MYH10: variants seen among roughly 807,000 people sequenced by gnomAD.
The protein encoded by MYH10 is myosin heavy chain 10.
In MYH10, 55 loss-of-function variants were observed where a neutral mutation model predicts 257.8. The observed-to-expected ratio is 0.21, with a 90% CI of 0.17 to 0.27. The LOEUF is 0.27. Among genes scored for constraint, MYH10 ranks in the 10% least tolerant of loss-of-function variants. The probability of loss-of-function intolerance (pLI) is 1.00; values close to 1 mark genes in which losing one functional copy is unlikely to be tolerated. For missense variants in MYH10, 1,631 were observed against 2,500.6 expected, an observed-to-expected ratio of 0.65 and a Z score of 7.42; for synonymous variants, 854 against 921.7, an observed-to-expected ratio of 0.93 and a Z score of 1.33.
chr17:8,486,902 A>G (rs73244977), intron 36 of MYH10, among the ~76,000 whole-genome samples: 2,525 of 152,286 alleles, frequency 0.017, 69 homozygotes, highest in African/African-American at 0.054. Flanking sequence ...TAAATTTTCA[A>G]GATGTATCAA....
chr17:8,576,680 T>C lies in MYH10; in HGVS notation c.634-8A>G. ...TGGTTTAGGCGATTCCTGCTGTTCATTACAAACAGACAAATGCAAATGTTA... is the reference window on the plus strand; with the variant it reads ...TGGTTTAGGCGATTCCTGCTGTTCACTACAAACAGACAAATGCAAATGTTA... On this transcript the variant is annotated splice_region_variant and splice_polypyrimidine_tract_variant and intron_variant, in intron 5 of 42. Coordinates refer to ENST00000360416, the MANE Select transcript of MYH10 (RefSeq NM_001256012.3). 6.4e-7 allele frequency: 1 copy of C among 1,550,680 alleles called. No homozygotes were observed.
At chr17:8,582,593 T>C (rs2083750102) in intron 4 of MYH10, among the ~76,000 whole-genome samples, 1 of 152,252 alleles carries the variant, frequency 6.6e-6, no homozygotes, top group African/African-American at 2.4e-5. Flanking sequence ...CCTGCATCTG[T>C]TGAAGCACAT....
chr17:8,629,338 C>T (rs2085803461), intron 1 of MYH10, among the ~76,000 whole-genome samples: 1 of 146,292 alleles, frequency 6.8e-6, no homozygotes, highest in South Asian at 2.2e-4. Flanking sequence ...CTTTCCCCTA[C>T]CCCACCCCAG....
In MYH10 at chr17:8,579,615, G is replaced by C. The variant is rs796324646; in HGVS notation, c.531-2277C>G. Among the ~76,000 whole-genome samples the C allele has an allele frequency of 5.3e-5, 8 of 152,118 alleles. 1 individual carries two copies. Among genetic ancestry groups the C allele is most frequent in the African/African-American group, 1.9e-4 (8 of 41,504 alleles). Reference sequence around the variant, plus strand: ...CTTATTAACCACCCCTCATGTTATCGTAACATTAGTTCCCTTCTGATTTGC... The same window carrying C: ...CTTATTAACCACCCCTCATGTTATCCTAACATTAGTTCCCTTCTGATTTGC... On this transcript the variant is annotated intron_variant, in intron 4 of 42. Transcript: ENST00000360416.
At chr17:8,483,722 A>G (rs187634282) in intron 37 of MYH10, among the ~76,000 whole-genome samples, 25 of 152,388 alleles carry the variant, frequency 1.6e-4, no homozygotes, top group Non-Finnish European at 1.9e-4. Flanking sequence ...CAGGAATTCA[A>G]TGAAACAAAC....
At chr17:8,608,764 A>G (rs918798448) in intron 2 of MYH10, among the ~76,000 whole-genome samples, 13 of 151,900 alleles carry the variant, frequency 8.6e-5, no homozygotes, top group Non-Finnish European at 1.5e-4. Flanking sequence ...ACCTATGCTG[A>G]CCACTCTGCC....
At chr17:8,578,852 T>G (rs2083596841) in intron 4 of MYH10, among the ~76,000 whole-genome samples, 1 of 152,174 alleles carries the variant, frequency 6.6e-6, no homozygotes, top group African/African-American at 2.4e-5. Context: ...CTAATTAATT[T>G]TTCTTTAAAA....
intron 2 of MYH10, 41 bp downstream of exon 2, chr17:8,622,861 C>T (rs776670492): frequency 6.3e-7 from 1 of 1,589,732 alleles, no homozygotes; most frequent in Non-Finnish European, 8.6e-7. Context: ...ACATTAATTC[C>T]TAGCTACCAC....
intron 2 of MYH10, among the ~76,000 whole-genome samples, chr17:8,622,102 G>T: frequency 6.6e-6 from 1 of 152,122 alleles, no homozygotes; most frequent in Middle Eastern, 3.2e-3. Context: ...CCCCTTTTCC[G>T]ATTTCAAACC....
At chr17:8,565,786 G>A (rs575616554) in intron 7 of MYH10, among the ~76,000 whole-genome samples, 1 of 152,150 alleles carries the variant, frequency 6.6e-6, no homozygotes, top group Non-Finnish European at 1.5e-5. Flanking sequence ...CTTCCAGGTG[G>A]CTAGAAAACA....
chr17:8,597,913 C>T (rs1004980595), intron 3 of MYH10, among the ~76,000 whole-genome samples: 7 of 152,104 alleles, frequency 4.6e-5, no homozygotes, highest in African/African-American at 1.7e-4. Flanking sequence ...CCACTGTGTC[C>T]GGCCTACTCT....
In MYH10 at chr17:8,529,826, C is replaced by A. The variant is rs575995748; in HGVS notation, c.1957+797G>T. Among the ~76,000 whole-genome samples, 8 of 152,294 alleles carry A rather than the reference C, an allele frequency of 5.3e-5. No individual in the cohort carries two copies. The East Asian group carries it at 1.2e-3, about 22-fold the overall frequency. ...ATTTATCTTTGAGTTTCGCTACTTG[C>A]CAGTTTCACTAAACATTCGGAAGGC... On this transcript the variant is annotated intron_variant, in intron 17 of 42. Coordinates refer to ENST00000360416, the MANE Select transcript of MYH10 (RefSeq NM_001256012.3).
At chr17:8,624,810 T>C (rs1231066303) in intron 1 of MYH10, among the ~76,000 whole-genome samples, 2 of 152,186 alleles carry the variant, frequency 1.3e-5, no homozygotes, top group African/African-American at 2.4e-5. Flanking sequence ...TCTCAGCAAC[T>C]TGAGGGGCTA....
intron 1 of MYH10, among the ~76,000 whole-genome samples, chr17:8,629,074 T>A (rs2085791925): frequency 6.6e-6 from 1 of 152,210 alleles, no homozygotes; most frequent in Non-Finnish European, 1.5e-5. Context: ...CAGGGCATAC[T>A]TAAACATCAA....
intron 14 of MYH10, among the ~76,000 whole-genome samples, chr17:8,541,782 G>A (rs536924711): frequency 2.6e-5 from 4 of 152,250 alleles, no homozygotes; most frequent in African/African-American, 9.6e-5. Context: ...GTCAGGTGGA[G>A]CTCCACATCC....
chr17:8,599,966 G>A (rs1267679018), intron 3 of MYH10, among the ~76,000 whole-genome samples: 1 of 152,186 alleles, frequency 6.6e-6, no homozygotes. Context: ...GGGAGTAGAG[G>A]GGCAAGGAGG....
At position 8,518,970 on chromosome 17, in the gene MYH10, G is replaced by T; in HGVS notation, c.2274-20C>A. The T allele has an allele frequency of 6.4e-7, 1 of 1,561,514 alleles. No individual in the cohort carries two copies. Among genetic ancestry groups the T allele is most frequent in the South Asian group, 1.2e-5 (1 of 85,958 alleles). On this transcript the variant is annotated intron_variant, in intron 19 of 42. Transcript: ENST00000360416. ...TCATATCTGTAAGAGAATATTCCAAGAAGTATTTTGTAGAAATTTGTGAAC... is the reference window on the plus strand; with the variant it reads ...TCATATCTGTAAGAGAATATTCCAATAAGTATTTTGTAGAAATTTGTGAAC...
chr17:8,487,730 C>T (rs1289545875), intron 35 of MYH10, 136 bp from the exon 36 acceptor site: 3 of 984,548 alleles, frequency 3.0e-6, no homozygotes, highest in African/African-American at 3.3e-5. Context: ...TCTCTGTTAC[C>T]AAACAGTTAC....
intron 21 of MYH10, among the ~76,000 whole-genome samples, chr17:8,517,001 T>C (rs544458730): frequency 6.6e-6 from 1 of 151,180 alleles, no homozygotes; most frequent in East Asian, 2.0e-4. Context: ...ATTAGCCGGG[T>C]GTGGTGGCGG....
Sources: gnomAD v4.1 joint callset for allele counts (sites outside exome capture counted in the v4.1 genomes callset) on GRCh38, gnomAD v4.1.1 for gene constraint, MANE v1.5 for transcripts, NCBI Gene and HGNC (gene_info 2026-07-23, HGNC 2026-07-21) for gene names.